Variants in EYS observed in about 807,000 individuals in gnomAD.
The protein encoded by EYS is protein eyes shut homolog.
EYS carries 250 observed loss-of-function variants against 282.1 expected under a neutral mutation model. The ratio of observed to expected loss-of-function variants is 0.89; its 90% CI spans 0.80 to 0.98. EYS has a LOEUF of 0.98. Ranked by LOEUF, EYS falls within the 50% of genes least tolerant of loss-of-function variation. The pLI, the probability that EYS is intolerant of heterozygous loss-of-function variation, is 0.00. For missense variants in EYS, 4,016 were observed against 3,709.0 expected, an observed-to-expected ratio of 1.08 and a Z score of -2.15; for synonymous variants, 1,355 against 1,282.9, an observed-to-expected ratio of 1.06 and a Z score of -1.20.
At chr6:64,113,284 C>A (rs1410285481) in intron 31 of EYS, among the ~76,000 whole-genome samples, 6 of 152,084 alleles carry the variant, frequency 3.9e-5, no homozygotes, top group African/African-American at 1.2e-4. Flanking sequence ...TTAATCACTG[C>A]AGTACTATAA....
At chr6:64,804,150 A>G (rs565416213) in intron 22 of EYS, among the ~76,000 whole-genome samples, 16 of 152,298 alleles carry the variant, frequency 1.1e-4, no homozygotes, top group African/African-American at 3.8e-4. Context: ...TTACAATAAA[A>G]TTGTTATTTA....
At chr6:64,009,288 T>C (rs1768492829) in intron 33 of EYS, among the ~76,000 whole-genome samples, 1 of 151,364 alleles carries the variant, frequency 6.6e-6, no homozygotes, top group South Asian at 2.1e-4. Flanking sequence ...ATTCTCGATT[T>C]TTTTTTTTTT....
At chr6:65,584,931 C>T (rs1360411564) in intron 2 of EYS, among the ~76,000 whole-genome samples, 1 of 150,272 alleles carries the variant, frequency 6.7e-6, no homozygotes, top group East Asian at 2.0e-4. Context: ...ATCTCTCTGT[C>T]TCCAAACTTT....
chr6:64,994,159 C>G (rs1383260034), intron 14 of EYS, among the ~76,000 whole-genome samples: 1 of 151,956 alleles, frequency 6.6e-6, no homozygotes, highest in East Asian at 1.9e-4. Context: ...TTACTATACA[C>G]ATTCTTAACA....
chr6:63,957,927 T>A lies in EYS; in HGVS notation c.7055+26456A>T, dbSNP rs576218535. 5.0e-5 allele frequency among the ~76,000 whole-genome samples: 7 copies of A among 141,096 alleles called. No homozygotes were observed. In the South Asian group the frequency reaches 1.6e-3, roughly 32 times the overall value. 92.6% of individuals were successfully genotyped at this position (141,096 alleles called of 152,430 possible). Reference sequence around the variant, plus strand: ...AAATCTGATTATGACAGACAAACAATTTAGTGCAACTTACTGAGAGGCATA... The same window carrying A: ...AAATCTGATTATGACAGACAAACAAATTAGTGCAACTTACTGAGAGGCATA... On this transcript the variant is annotated intron_variant, in intron 35 of 42. Transcript: ENST00000503581.
intron 32 of EYS, among the ~76,000 whole-genome samples, chr6:64,066,745 A>G (rs1177221997): frequency 6.6e-6 from 1 of 152,144 alleles, no homozygotes; most frequent in Non-Finnish European, 1.5e-5. Context: ...TAGTAGCTAG[A>G]TGTCCTTAAC....
chr6:63,971,009 T>C (rs1029597014), intron 35 of EYS, among the ~76,000 whole-genome samples: 1 of 152,208 alleles, frequency 6.6e-6, no homozygotes, highest in Admixed American at 6.5e-5. Context: ...CTGGGTTGGA[T>C]ATAAAAATGG....
At chr6:64,198,588 G>A (rs531570250) in intron 31 of EYS, among the ~76,000 whole-genome samples, 60 of 151,924 alleles carry the variant, frequency 3.9e-4, no homozygotes, top group African/African-American at 1.4e-3. Flanking sequence ...TTGGTTTTCT[G>A]TTCCTGTGTT....
chr6:64,194,656 A>T (rs1044154713), intron 31 of EYS, among the ~76,000 whole-genome samples: 10 of 152,136 alleles, frequency 6.6e-5, no homozygotes, highest in Admixed American at 6.6e-4. Context: ...TTTAGCCCAG[A>T]TAATGTTAAT....
chr6:64,455,608 C>A (rs113636077), intron 26 of EYS, among the ~76,000 whole-genome samples: 3,704 of 152,028 alleles, frequency 0.024, 123 homozygotes, highest in African/African-American at 0.076. Flanking sequence ...CCCCATGTCC[C>A]CAATCCTCCC....
At chr6:65,377,047 C>A (rs1765395639) in intron 8 of EYS, among the ~76,000 whole-genome samples, 1 of 152,130 alleles carries the variant, frequency 6.6e-6, no homozygotes, top group Non-Finnish European at 1.5e-5. Context: ...ACAGAACTGT[C>A]CACATCAAAT....
chr6:65,402,627 T>G (rs762977093), intron 6 of EYS, 22 bp from the exon 7 acceptor site: 13 of 1,499,396 alleles, frequency 8.7e-6, no homozygotes, highest in Non-Finnish European at 1.2e-5. Context: ...TAAAAAAATA[T>G]TTTTACAAAG....
chr6:64,889,421 A>G (rs1334036256), intron 18 of EYS, among the ~76,000 whole-genome samples: 1 of 151,846 alleles, frequency 6.6e-6, no homozygotes, highest in East Asian at 1.9e-4. Flanking sequence ...CCTACCCATA[A>G]TTCTTGTTTT....
At chr6:65,627,212 C>T (rs745374251) in intron 2 of EYS, among the ~76,000 whole-genome samples, 12 of 152,144 alleles carry the variant, frequency 7.9e-5, no homozygotes, top group Non-Finnish European at 1.6e-4. Context: ...TTGTATTACG[C>T]AAGAGTGAAA....
intron 28 of EYS, among the ~76,000 whole-genome samples, chr6:64,424,759 A>T (rs999056703): frequency 1.3e-5 from 2 of 152,152 alleles, no homozygotes; most frequent in Non-Finnish European, 2.9e-5. Context: ...TGTGTATTCA[A>T]CCGGGAAGAA....
intron 22 of EYS, among the ~76,000 whole-genome samples, chr6:64,744,256 G>A (rs1772477947): frequency 6.6e-6 from 1 of 151,938 alleles, no homozygotes; most frequent in Non-Finnish European, 1.5e-5. Context: ...AAACCACTGG[G>A]GCTCCACACC....
At chr6:64,344,776 A>T (rs1347814405) in intron 29 of EYS, among the ~76,000 whole-genome samples, 3 of 152,126 alleles carry the variant, frequency 2.0e-5, no homozygotes, top group African/African-American at 7.2e-5. Flanking sequence ...TTTGCAGATG[A>T]CATGATTTTA....
chr6:64,076,641 A>T (rs1200222847), intron 32 of EYS, among the ~76,000 whole-genome samples: 2 of 151,820 alleles, frequency 1.3e-5, no homozygotes, highest in African/African-American at 4.8e-5. Flanking sequence ...GCCTGCTGTC[A>T]AGTAAGATGT....
At chr6:64,501,658 A>G (rs1021124556) in intron 26 of EYS, among the ~76,000 whole-genome samples, 1 of 152,190 alleles carries the variant, frequency 6.6e-6, no homozygotes, top group Admixed American at 6.5e-5. Context: ...CAAACTTTGG[A>G]TAAAAGAAGT....
Sources: allele counts gnomAD v4.1 joint callset (sites outside exome capture counted in the v4.1 genomes callset), GRCh38; gene constraint gnomAD v4.1.1; transcripts MANE v1.5; gene names NCBI Gene and HGNC (gene_info 2026-07-23, HGNC 2026-07-21).